WDR70: variants seen among roughly 807,000 people sequenced by gnomAD.
WDR70 encodes WD repeat-containing protein 70.
WDR70 carries 53 observed loss-of-function variants against 88.6 expected under a neutral mutation model. That is an observed-to-expected ratio of 0.60 (90% CI 0.48 to 0.75). The LOEUF (loss-of-function observed/expected upper bound fraction) is 0.75, where lower values mean the gene tolerates loss of function less well. Among genes scored for constraint, WDR70 ranks in the 30% least tolerant of loss-of-function variants. The pLI, the probability that WDR70 is intolerant of heterozygous loss-of-function variation, is 0.00. For missense variants in WDR70, 610 were observed against 823.2 expected, an observed-to-expected ratio of 0.74 and a Z score of 3.17; for synonymous variants, 280 against 270.0, an observed-to-expected ratio of 1.04 and a Z score of -0.36.
At chr5:37,650,768 A>G (rs1178665421) in intron 10 of WDR70, among the ~76,000 whole-genome samples, 1 of 152,146 alleles carries the variant, frequency 6.6e-6, no homozygotes, top group Non-Finnish European at 1.5e-5. Flanking sequence ...GGGAGAGCAG[A>G]TGGGAAAACC....
chr5:37,703,186 CT>C, intron 13 of WDR70, 99 bp downstream of exon 13: 1 of 1,439,908 alleles, frequency 6.9e-7, no homozygotes, highest in Non-Finnish European at 9.5e-7. Flanking sequence ...AGCCCTGGCC[CT>C]TAGAGCACGG....
At chr5:37,631,115 G>T (rs1403395651) in intron 10 of WDR70, among the ~76,000 whole-genome samples, 3 of 152,126 alleles carry the variant, frequency 2.0e-5, no homozygotes, top group Non-Finnish European at 4.4e-5. Flanking sequence ...CTTCCATGCT[G>T]CCCTCCTGTC....
At chr5:37,503,201 G>A (rs934417903) in intron 8 of WDR70, among the ~76,000 whole-genome samples, 8 of 152,156 alleles carry the variant, frequency 5.3e-5, no homozygotes, top group African/African-American at 1.9e-4. Flanking sequence ...TGATAATACA[G>A]GCTTCATAGA....
At position 37,726,968 on chromosome 5, in the gene WDR70, T is replaced by C; in HGVS notation, c.1800T>C (p.Ser600=). 1 of 1,612,036 alleles carries C rather than the reference T, an allele frequency of 6.2e-7. No homozygotes were observed. The highest frequency in any genetic ancestry group is 8.5e-7 in the Non-Finnish European group (1 of 1,179,066). ...KNIALDKTDD[S]NPREAILRHA... ...TTGCTTTGGACAAGACCGATGACAGTAATCCTCGGGAAGCCATTTTGCGTC... is the reference window on the plus strand; with the variant it reads ...TTGCTTTGGACAAGACCGATGACAGCAATCCTCGGGAAGCCATTTTGCGTC... Residue 600 remains serine (S), a synonymous_variant, in exon 17 of 18, where the codon AGT becomes AGC. Transcript: ENST00000265107.
chr5:37,677,454 C>T (rs1013561388), intron 10 of WDR70, among the ~76,000 whole-genome samples: 4 of 152,160 alleles, frequency 2.6e-5, no homozygotes, highest in African/African-American at 9.7e-5. Flanking sequence ...TCATTGGTTT[C>T]AAAGAACATC....
chr5:37,603,638 T>A (rs1743950302), intron 9 of WDR70, among the ~76,000 whole-genome samples: 1 of 152,200 alleles, frequency 6.6e-6, no homozygotes, highest in Non-Finnish European at 1.5e-5. Context: ...GCTTCTAATC[T>A]TTGTCTTTCA....
intron 5 of WDR70, among the ~76,000 whole-genome samples, chr5:37,433,371 GACTTTATCAAATT>G (rs1208062061): frequency 6.6e-6 from 1 of 152,070 alleles, no homozygotes; most frequent in Non-Finnish European, 1.5e-5. Flanking sequence ...TAAAATCTCA[GACTTTATCAAATT>G]ACTTTCTATG....
rs1055302634 is a variant in WDR70, at chr5:37,475,798, A to C, written c.687-4036A>C. Among the ~76,000 whole-genome samples, 48 of 146,738 alleles carry C rather than the reference A, an allele frequency of 3.3e-4. 2 individuals are homozygous for C. Among genetic ancestry groups the C allele is most frequent in the Non-Finnish European group, 4.1e-4 (27 of 66,542 alleles). On this transcript the variant is annotated intron_variant, in intron 7 of 17. Coordinates refer to ENST00000265107, the MANE Select transcript of WDR70 (RefSeq NM_018034.4). Reference sequence around the variant, plus strand: ...TCTTATTCACTGTTTTTATTTGTCCATTCTGTTTTATTTCCTCTTTACTGT... The same window carrying C: ...TCTTATTCACTGTTTTTATTTGTCCCTTCTGTTTTATTTCCTCTTTACTGT...
chr5:37,455,243 C>CTTTTTTTTT (rs544303522), intron 7 of WDR70, among the ~76,000 whole-genome samples: 4 of 123,110 alleles, frequency 3.2e-5, no homozygotes, highest in African/African-American at 5.8e-5. Context: ...TTCTTTCTTT[C>CTTTTTTTTT]TTTTTTTTTT....
intron 11 of WDR70, among the ~76,000 whole-genome samples, chr5:37,700,609 A>G (rs1156920931): frequency 6.6e-6 from 1 of 152,194 alleles, no homozygotes; most frequent in Non-Finnish European, 1.5e-5. Flanking sequence ...ACCAGTGGGA[A>G]AAGGAATCTG....
intron 9 of WDR70, among the ~76,000 whole-genome samples, chr5:37,581,608 T>C (rs997132341): frequency 7.9e-5 from 12 of 152,292 alleles, no homozygotes; most frequent in Middle Eastern, 3.4e-3. Context: ...GCAGTCTAAA[T>C]ATAAAATCAG....
chr5:37,586,290 A>G (rs1743362647), intron 9 of WDR70, among the ~76,000 whole-genome samples: 1 of 152,024 alleles, frequency 6.6e-6, no homozygotes, highest in Non-Finnish European at 1.5e-5. Flanking sequence ...TACCCTTATC[A>G]TTCTACTGAC....
At chr5:37,463,717 G>A (rs776066641) in intron 7 of WDR70, among the ~76,000 whole-genome samples, 24 of 152,100 alleles carry the variant, frequency 1.6e-4, no homozygotes, top group African/African-American at 4.3e-4. Context: ...CGGAATCTTC[G>A]TTGTTTAGGC....
At chr5:37,507,889 A>T (rs1354731064) in intron 8 of WDR70, among the ~76,000 whole-genome samples, 2 of 151,624 alleles carry the variant, frequency 1.3e-5, no homozygotes, top group Non-Finnish European at 2.9e-5. Context: ...AGTCCTTGGG[A>T]TTTTCTACAT....
chr5:37,675,831 G>A (rs1021406915), intron 10 of WDR70, among the ~76,000 whole-genome samples: 8 of 152,022 alleles, frequency 5.3e-5, no homozygotes, highest in Non-Finnish European at 1.2e-4. Flanking sequence ...GGGCAGTATG[G>A]CCATTTTCAC....
At chr5:37,560,044 A>G (rs1742453696) in intron 9 of WDR70, among the ~76,000 whole-genome samples, 1 of 152,110 alleles carries the variant, frequency 6.6e-6, no homozygotes, top group African/African-American at 2.4e-5. Flanking sequence ...TTTTTAGAAT[A>G]ATTTCTTTTT....
chr5:37,672,974 T>A (rs1205231401), intron 10 of WDR70, among the ~76,000 whole-genome samples: 1 of 152,098 alleles, frequency 6.6e-6, no homozygotes, highest in Non-Finnish European at 1.5e-5. Flanking sequence ...CGGGGGGGTT[T>A]GTTGTACAGA....
At chr5:37,542,147 T>C (rs1289840714) in intron 9 of WDR70, among the ~76,000 whole-genome samples, 1 of 152,194 alleles carries the variant, frequency 6.6e-6, no homozygotes, top group Non-Finnish European at 1.5e-5. Context: ...AAAAAATACA[T>C]AGTCAACCAT....
At chr5:37,401,166 T>A (rs1332730767) in intron 5 of WDR70, among the ~76,000 whole-genome samples, 1 of 110,648 alleles carries the variant, frequency 9.0e-6, no homozygotes, top group Non-Finnish European at 1.6e-5. Context: ...ACCTAGCTAT[T>A]TTTTTTTTTT....
Sources: gnomAD v4.1 joint callset for allele counts (sites outside exome capture counted in the v4.1 genomes callset) on GRCh38, gnomAD v4.1.1 for gene constraint, MANE v1.5 for transcripts, NCBI Gene and HGNC (gene_info 2026-07-23, HGNC 2026-07-21) for gene names.